RAB2A: variants seen among roughly 807,000 people sequenced by gnomAD.
RAB2A encodes ras-related protein Rab-2A.
In RAB2A, 7 loss-of-function variants were observed where a neutral mutation model predicts 32.5. The ratio of observed to expected loss-of-function variants is 0.22; its 90% CI spans 0.12 to 0.40. The LOEUF (loss-of-function observed/expected upper bound fraction) is 0.40. Ranked by LOEUF, RAB2A falls within the 10% of genes least tolerant of loss-of-function variation. The pLI, the probability that RAB2A is intolerant of heterozygous loss-of-function variation, is 1.00. For missense variants in RAB2A, 108 were observed against 260.7 expected, an observed-to-expected ratio of 0.41 and a Z score of 4.03; for synonymous variants, 79 against 85.2, an observed-to-expected ratio of 0.93 and a Z score of 0.40.
intron 1 of RAB2A, among the ~76,000 whole-genome samples, chr8:60,553,385 TC>T (rs1807886405): frequency 6.6e-6 from 1 of 152,222 alleles, no homozygotes; most frequent in Non-Finnish European, 1.5e-5. Flanking sequence ...TATGATGCCT[TC>T]ACAGCAACGC....
chr8:60,587,533 CT>C (rs1202468446), intron 5 of RAB2A, among the ~76,000 whole-genome samples: 1 of 152,070 alleles, frequency 6.6e-6, no homozygotes, highest in Admixed American at 6.5e-5. Flanking sequence ...GAATTTAAAA[CT>C]TTTGTTCTTC....
intron 1 of RAB2A, among the ~76,000 whole-genome samples, chr8:60,546,711 AGTAT>A (rs940199513): frequency 3.3e-5 from 5 of 152,056 alleles, no homozygotes; most frequent in Admixed American, 1.3e-4. Flanking sequence ...CTTGTTGTGA[AGTAT>A]GTATTGTTCT....
chr8:60,609,846 G>A (rs1034924019), intron 6 of RAB2A, among the ~76,000 whole-genome samples: 1 of 151,402 alleles, frequency 6.6e-6, no homozygotes. Flanking sequence ...CACGCCTGCT[G>A]TACTCCCAGC....
intron 3 of RAB2A, among the ~76,000 whole-genome samples, chr8:60,580,275 G>A (rs539302749): frequency 8.5e-5 from 13 of 152,284 alleles, no homozygotes; most frequent in South Asian, 6.2e-4. Flanking sequence ...GATTACAGGC[G>A]TGAGCCACTG....
At chr8:60,566,105 C>T (rs571404224) in intron 2 of RAB2A, among the ~76,000 whole-genome samples, 1 of 152,164 alleles carries the variant, frequency 6.6e-6, no homozygotes, top group African/African-American at 2.4e-5. Context: ...AGTTAAATTC[C>T]CTATATAACT....
At chr8:60,617,953 C>T (rs1586119435) in intron 6 of RAB2A, among the ~76,000 whole-genome samples, 1 of 152,206 alleles carries the variant, frequency 6.6e-6, no homozygotes, top group Non-Finnish European at 1.5e-5. Context: ...CTAGACATTT[C>T]GTACAAATGG....
chr8:60,562,197 G>A (rs990325332), intron 2 of RAB2A, among the ~76,000 whole-genome samples: 2 of 152,052 alleles, frequency 1.3e-5, no homozygotes, highest in African/African-American at 4.8e-5. Flanking sequence ...GTATACCCAC[G>A]CCTGTGGAGA....
chr8:60,617,629 C>T (rs1264289964), intron 6 of RAB2A, among the ~76,000 whole-genome samples: 1 of 152,042 alleles, frequency 6.6e-6, no homozygotes. Context: ...ACCTGTAGTC[C>T]CAGCTACTCA....
At chr8:60,517,625 AAAG>A (rs951239390) in intron 1 of RAB2A, among the ~76,000 whole-genome samples, 1 of 152,010 alleles carries the variant, frequency 6.6e-6, no homozygotes, top group Non-Finnish European at 1.5e-5. Flanking sequence ...GCCCCAGGAA[AAAG>A]AAGGAGGGAA....
chr8:60,571,998 G>C, intron 2 of RAB2A, 48 bp from the exon 3 acceptor site: 1 of 1,358,214 alleles, frequency 7.4e-7, no homozygotes. Flanking sequence ...TTGAAAGTGA[G>C]ATATATTCCC....
intron 5 of RAB2A, among the ~76,000 whole-genome samples, chr8:60,590,001 G>A (rs901387025): frequency 2.0e-5 from 3 of 150,308 alleles, no homozygotes; most frequent in East Asian, 2.0e-4. Flanking sequence ...TCACTCTGTC[G>A]CCCAGGCTGG....
chr8:60,583,461 T>C (rs1440496357), intron 3 of RAB2A, among the ~76,000 whole-genome samples: 1 of 152,238 alleles, frequency 6.6e-6, no homozygotes, highest in African/African-American at 2.4e-5. Context: ...TAATCTCTTG[T>C]GTCTGTTTCA....
chr8:60,549,664 A>G (rs11778115), intron 1 of RAB2A, among the ~76,000 whole-genome samples: 23,777 of 152,092 alleles, frequency 0.16, 1,929 homozygotes, highest in Middle Eastern at 0.24. Flanking sequence ...AGCCATTGGC[A>G]GGAGATAGTT....
At chr8:60,583,905 G>T (rs556730333) in intron 3 of RAB2A, 5 of 237,110 alleles carry the variant, frequency 2.1e-5, no homozygotes, top group Non-Finnish European at 3.5e-5. Context: ...ATAATGATTC[G>T]TGTATTGTGA....
chr8:60,550,029 T>G (rs1219375175), intron 1 of RAB2A, among the ~76,000 whole-genome samples: 1 of 152,224 alleles, frequency 6.6e-6, no homozygotes. Context: ...GTGGCTTATC[T>G]TCATCCTGAA....
At chr8:60,573,756 C>G (rs1808229320) in intron 3 of RAB2A, among the ~76,000 whole-genome samples, 1 of 152,160 alleles carries the variant, frequency 6.6e-6, no homozygotes, top group African/African-American at 2.4e-5. Flanking sequence ...CAAAAAGAAA[C>G]ATTTTCTACT....
intron 5 of RAB2A, among the ~76,000 whole-genome samples, chr8:60,587,105 A>G (rs1009119848): frequency 1.3e-5 from 2 of 152,172 alleles, no homozygotes; most frequent in Middle Eastern, 3.2e-3. Flanking sequence ...AGAATTTACT[A>G]TTCTACAAAT....
At chr8:60,614,839 G>C (rs1804422292) in intron 6 of RAB2A, among the ~76,000 whole-genome samples, 2 of 152,194 alleles carry the variant, frequency 1.3e-5, no homozygotes, top group African/African-American at 4.8e-5. Flanking sequence ...GAATGTGGCA[G>C]TTAAAGTCTG....
intron 1 of RAB2A, among the ~76,000 whole-genome samples, chr8:60,558,200 G>A (rs1297660527): frequency 1.3e-5 from 2 of 152,190 alleles, no homozygotes; most frequent in Non-Finnish European, 2.9e-5. Context: ...TTTCTTAGAG[G>A]ACTTGAAAAT....
Sources: gnomAD v4.1 joint callset for allele counts (sites outside exome capture counted in the v4.1 genomes callset) on GRCh38, gnomAD v4.1.1 for gene constraint, MANE v1.5 for transcripts, NCBI Gene and HGNC (gene_info 2026-07-23, HGNC 2026-07-21) for gene names.